Variants in SMTN observed in about 807,000 individuals in gnomAD.
SMTN encodes the protein smoothelin.
A neutral mutation model predicts 102.0 loss-of-function variants in SMTN; 58 were observed. The observed-to-expected ratio is 0.57, with a 90% CI of 0.46 to 0.71. The LOEUF (loss-of-function observed/expected upper bound fraction) is 0.71, where lower values mean the gene tolerates loss of function less well. SMTN is among the 30% of genes least tolerant of loss of function. The pLI, the probability that SMTN is intolerant of heterozygous loss-of-function variation, is 0.00. For missense variants in SMTN, 1,185 were observed against 1,241.7 expected (o/e 0.95, Z 0.69); for synonymous variants, 478 against 497.9 (o/e 0.96, Z 0.53).
intron 1 of SMTN, chr22:31,066,316 A>ATT (rs202122017): frequency 1.3e-5 from 2 of 150,820 alleles, no homozygotes; most frequent in East Asian, 3.9e-4. Flanking sequence ...ATTTTATTTT[A>ATT]TTTTATTTTT....
At chr22:31,097,507 C>T (rs2147778985) in intron 16 of SMTN, among the ~76,000 whole-genome samples, 169 bp downstream of exon 16, 1 of 152,104 alleles carries the variant, frequency 6.6e-6, no homozygotes, top group South Asian at 2.1e-4. Flanking sequence ...AGTTCAAGAC[C>T]AGCCTGGCCA....
intron 20 of SMTN, chr22:31,103,290 A>C (rs1013481059): frequency 6.6e-6 from 1 of 152,284 alleles, no homozygotes; most frequent in African/African-American, 2.4e-5. Context: ...ATTCAGCAAC[A>C]TTGAATGCTT....
intron 1 of SMTN, among the ~76,000 whole-genome samples, chr22:31,072,435 T>C (rs2042025712): frequency 6.6e-6 from 1 of 152,206 alleles, no homozygotes; most frequent in Admixed American, 6.5e-5. Context: ...GGCAAGTTCC[T>C]CAACCTTTCT....
In SMTN at chr22:31,104,428, C is replaced by T; in HGVS notation, c.*133C>T. The T allele has an allele frequency of 3.1e-6, 5 of 1,614,106 alleles. No individual in the cohort carries two copies. Among genetic ancestry groups the T allele is most frequent in the South Asian group, 2.2e-5 (2 of 91,080 alleles). ...TGTGCAGTCGCTCTACAACCACCTGCGACGCCACGAACTGCGCCTGCGCGG... is the reference window on the plus strand; with the variant it reads ...TGTGCAGTCGCTCTACAACCACCTGTGACGCCACGAACTGCGCCTGCGCGG... On this transcript the variant is annotated 3_prime_UTR_variant, in exon 21 of 21. Coordinates refer to ENST00000333137, the MANE Select transcript of SMTN (RefSeq NM_134269.3).
At position 31,075,482 on chromosome 22, in the gene SMTN, A is replaced by G. The variant is rs180967570; in HGVS notation, c.-385-4968A>G. ...GATCACCTCAGTTCAGGAGTTCAAG[A>G]CCAGCCTGGCCAACATGTCAAAACC... On this transcript the variant is annotated intron_variant, in intron 1 of 3. Coordinates refer to the SMTN transcript ENST00000422839. 1.5e-3 allele frequency among the ~76,000 whole-genome samples: 224 copies of G among 152,160 alleles called. 6 individuals carry two copies. Among genetic ancestry groups the G allele is most frequent in the Admixed American group, 0.012 (187 of 15,264 alleles).
chr22:31,082,904 T>C lies in SMTN; in HGVS notation c.-80-275T>C, dbSNP rs555160800. On this transcript the variant is annotated intron_variant, in intron 1 of 20. Transcript: ENST00000333137. ...CAATCCAGGTCCCTGCCCTCCCTGTTTTGAGGTTTAGACAGGATGAGAGTC... is the reference window on the plus strand; with the variant it reads ...CAATCCAGGTCCCTGCCCTCCCTGTCTTGAGGTTTAGACAGGATGAGAGTC... 1.9e-6 allele frequency: 3 copies of C among 1,547,922 alleles called. No individual in the cohort carries two copies. The South Asian group carries it at 3.6e-5, about 18-fold the overall frequency.
intron 1 of SMTN, among the ~76,000 whole-genome samples, chr22:31,075,131 T>C (rs2042098589): frequency 6.6e-6 from 1 of 152,152 alleles, no homozygotes; most frequent in South Asian, 2.1e-4. Context: ...CTCTCTACAG[T>C]TAGAAAGTCC....
chr22:31,077,026 G>A (rs970193389), upstream of SMTN, among the ~76,000 whole-genome samples: 1 of 152,186 alleles, frequency 6.6e-6, no homozygotes, highest in Non-Finnish European at 1.5e-5. Flanking sequence ...TTTTACAGAT[G>A]GGCAGACTGA....
chr22:31,075,760 A>G (rs2042113877), intron 1 of SMTN, among the ~76,000 whole-genome samples: 1 of 151,922 alleles, frequency 6.6e-6, no homozygotes, highest in African/African-American at 2.4e-5. Flanking sequence ...GCTAAGCTTT[A>G]GCCCAGTGCC....
At position 31,095,183 on chromosome 22, in the gene SMTN, G is replaced by A; in HGVS notation, c.1633-120G>A. 1 of 1,015,098 alleles carries A rather than the reference G, an allele frequency of 9.9e-7. No individual in the cohort carries two copies. Among genetic ancestry groups the A allele is most frequent in the Non-Finnish European group, 1.4e-6 (1 of 691,794 alleles). 62.9% of individuals were successfully genotyped at this position (1,015,098 alleles called of 1,614,324 possible). A position where few individuals can be genotyped will look rare whatever the true frequency, so the allele number is the denominator to read the frequency against. On this transcript the variant is annotated intron_variant, in intron 11 of 20. Transcript: ENST00000333137. The surrounding 1 kb of genome is among the most constrained non-coding windows in gnomAD (Gnocchi z 4.1). Reference sequence around the variant, plus strand: ...CATCTTTGGGCAGGCAGGCTGGCAGGCTAGTGGTTATTTCCAAGGCGTGCC... The same window carrying A: ...CATCTTTGGGCAGGCAGGCTGGCAGACTAGTGGTTATTTCCAAGGCGTGCC...
At chr22:31,101,102 A>C (rs1420901858) in intron 20 of SMTN, 53 bp downstream of exon 20, 1 of 1,517,990 alleles carries the variant, frequency 6.6e-7, no homozygotes, top group Non-Finnish European at 8.9e-7. Context: ...TCTGCTCAGC[A>C]AGGCCAGAGA....
rs2043810011 is a variant in SMTN, at chr22:31,098,666, G to C, written c.2160-1G>C. The C allele has an allele frequency of 6.2e-7, 1 of 1,613,182 alleles. No individual in the cohort carries two copies. The highest frequency in any genetic ancestry group is 8.5e-7 in the Non-Finnish European group (1 of 1,179,736). ...CTAACATGCGCCTCCCCAACCCCTA[G>C]CATCTTCGACCGCGAGGACCAGGCC... On this transcript the variant is annotated splice_acceptor_variant, in intron 16 of 20. Transcript: ENST00000333137. LOFTEE classifies it high-confidence loss of function.
chr22:31,088,235 G>T, intron 3 of SMTN, 122 bp downstream of exon 3: 1 of 1,130,724 alleles, frequency 8.8e-7, no homozygotes, highest in South Asian at 1.6e-5. Flanking sequence ...ATGGCAGTAC[G>T]TCCACACACG....
Position 31,083,162 on chromosome 22 carries a change from A to T in SMTN, c.-80-17A>T, listed in dbSNP as rs773537707. 12 of 1,559,974 alleles carry T rather than the reference A, an allele frequency of 7.7e-6. No individual in the cohort carries two copies. The East Asian group carries it at 2.6e-4, about 34-fold the overall frequency. On this transcript the variant is annotated splice_polypyrimidine_tract_variant and intron_variant, in intron 1 of 20. Coordinates refer to ENST00000333137, the MANE Select transcript of SMTN (RefSeq NM_134269.3). ...CTGGAAGCCCCAGCATGCCTGATTC[A>T]TGTCTGTCCCCTGCAGAATTCTCTG...
chr22:31,095,473 G>A lies in SMTN; in HGVS notation c.1785+18G>A, dbSNP rs754546761. The stretch of plus-strand genomic sequence containing the variant: ...ACAAGATGGTATAGCCAGATCCGGT[G>A]GGCTGGGGGTTGGCAGAGGCCAGCA... On this transcript the variant is annotated intron_variant, in intron 12 of 20. Transcript: ENST00000333137. The surrounding 1 kb of genome is among the most constrained non-coding windows in gnomAD (Gnocchi z 4.1). The A allele has an allele frequency of 3.1e-6, 5 of 1,614,246 alleles. No individual in the cohort carries two copies. In the East Asian group the frequency reaches 8.9e-5, roughly 29 times the overall value.
chr22:31,090,332 C>A lies in SMTN; in HGVS notation c.865+152C>A, dbSNP rs997568421. 9.2e-6 allele frequency: 6 copies of A among 651,562 alleles called. No homozygotes were observed. The African/African-American group carries it at 1.1e-4, about 12-fold the overall frequency. The allele number at this position is 651,562 out of a possible 1,614,324, so 40.4% of individuals were successfully genotyped here. On this transcript the variant is annotated intron_variant, in intron 8 of 20. Coordinates refer to ENST00000333137, the MANE Select transcript of SMTN (RefSeq NM_134269.3). ...TACTGCACCCCACCCCTGAAGTGTCCCCGCCCCCAGCTAGGCCAGCCTCCC... is the reference window on the plus strand; with the variant it reads ...TACTGCACCCCACCCCTGAAGTGTCACCGCCCCCAGCTAGGCCAGCCTCCC...
intron 19 of SMTN, 30 bp from the exon 20 acceptor site, chr22:31,100,855 C>A: frequency 1.8e-6 from 2 of 1,091,710 alleles, no homozygotes; most frequent in Non-Finnish European, 2.7e-6. Flanking sequence ...CCCCGTCCCC[C>A]ACCCCTTCCC....
chr22:31,085,244 G>A (rs1472026057), intron 2 of SMTN: 5 of 1,531,052 alleles, frequency 3.3e-6, no homozygotes, highest in African/African-American at 1.4e-5. Flanking sequence ...AGGCGGTAGC[G>A]GGTGTCTTCC....
chr22:31,089,868 C>T lies in SMTN; in HGVS notation c.641C>T (p.Pro214Leu). ...SPSSSPTPASPEPPLEPAEAQ... is the reference protein window; with the variant it reads ...SPSSSPTPASLEPPLEPAEAQ... ...AGCAGTTCACCCACCCCTGCCTCTC[C>T]TGAGCCTCCATTGGAGCCTGCCGAG... is the stretch of plus-strand genomic sequence containing the variant. The change falls in exon 7 of 21, where the codon CCT (proline) becomes CTT (leucine). Residue 214 changes from proline to leucine, a missense_variant. Physicochemically the swap from Pro to Leu is moderately conservative, Grantham distance 98. This residue lies in a region of SMTN where 1,096 missense variants were observed against 1,112.7 expected (regional missense o/e 0.98). Transcript: ENST00000333137. 1 of 1,613,912 alleles carries T rather than the reference C, an allele frequency of 6.2e-7. No individual in the cohort carries two copies. Among genetic ancestry groups the T allele is most frequent in the South Asian group, 1.1e-5 (1 of 91,074 alleles).
Sources: gnomAD v4.1 joint callset for allele counts (sites outside exome capture counted in the v4.1 genomes callset) on GRCh38, gnomAD v4.1.1 for gene constraint, gnomAD v4.1.1 regional missense constraint, Gnocchi (gnomAD v3.1) non-coding constraint, MANE v1.5 for transcripts, NCBI Gene and HGNC (gene_info 2026-07-23, HGNC 2026-07-21) for gene names.